WWP1: variants seen among roughly 807,000 people sequenced by gnomAD.
WWP1 encodes the protein NEDD4-like E3 ubiquitin-protein ligase WWP1.
A neutral mutation model predicts 130.6 loss-of-function variants in WWP1; 49 were observed. The observed-to-expected ratio is 0.38, with a 90% CI of 0.30 to 0.48. The LOEUF (loss-of-function observed/expected upper bound fraction) is 0.48. WWP1 is among the 20% of genes least tolerant of loss of function. WWP1 has a pLI of 0.99. For synonymous variants in WWP1, 332 were observed against 367.8 expected, an observed-to-expected ratio of 0.90 and a Z score of 1.11; for missense variants, 809 against 1,100.6, an observed-to-expected ratio of 0.74 and a Z score of 3.75.
At chr8:86,386,520 G>A (rs1825301191) in intron 5 of WWP1, among the ~76,000 whole-genome samples, 1 of 152,006 alleles carries the variant, frequency 6.6e-6, no homozygotes, top group African/African-American at 2.4e-5. Flanking sequence ...CAATGATGCA[G>A]GCCCTGTGGT....
At position 86,435,731 on chromosome 8, in the gene WWP1, C is replaced by T. The variant is rs780664094; in HGVS notation, c.1749+27C>T. 9 of 1,602,772 alleles carry T rather than the reference C, an allele frequency of 5.6e-6. No individual in the cohort carries two copies. In the African/African-American group the frequency reaches 1.1e-4, roughly 19 times the overall value. On this transcript the variant is annotated intron_variant, in intron 16 of 24. Transcript: ENST00000517970. Reference sequence around the variant, plus strand: ...TAAGGAGGATTTTAGCAGAATAAAACACCATTTGTCTCATTGTATTCTGTG... The same window carrying T: ...TAAGGAGGATTTTAGCAGAATAAAATACCATTTGTCTCATTGTATTCTGTG...
chr8:86,427,454 T>C (rs1458367008), intron 10 of WWP1, among the ~76,000 whole-genome samples, 189 bp from the exon 11 acceptor site: 1 of 152,086 alleles, frequency 6.6e-6, no homozygotes, highest in East Asian at 1.9e-4. Context: ...ATTACAGTGA[T>C]TAAAGGAAAA....
chr8:86,440,853 G>T, intron 17 of WWP1: 1 of 318,546 alleles, frequency 3.1e-6, no homozygotes, highest in East Asian at 8.3e-5. Flanking sequence ...GTCACTGTTT[G>T]CAGTACTGCC....
At position 86,448,429 on chromosome 8, in the gene WWP1, T is replaced by C. The variant is rs1366046029; in HGVS notation, c.2189T>C (p.Ile730Thr). ...ATGTACTTTTCTGTTGACATGGAGA[T>C]TTTGGGAAAAGTTACTTCACATGAC... ...LEMYFSVDME[I>T]LGKVTSHDLK... The change falls in exon 20 of 25, where the codon ATT becomes ACT. Residue 730 changes from isoleucine to threonine, a missense_variant. Physicochemically the swap from Ile to Thr is moderately conservative, Grantham distance 89. Coordinates refer to ENST00000517970, the MANE Select transcript of WWP1 (RefSeq NM_007013.4). 1.9e-6 allele frequency: 3 copies of C among 1,613,606 alleles called. No individual in the cohort carries two copies. In the African/African-American group the frequency reaches 4.0e-5, roughly 22 times the overall value.
chr8:86,406,701 A>G (rs1394608304), intron 8 of WWP1, among the ~76,000 whole-genome samples: 1 of 152,142 alleles, frequency 6.6e-6, no homozygotes, highest in Admixed American at 6.5e-5. Context: ...TGTCACACAT[A>G]TGGCTTCATG....
intron 7 of WWP1, 71 bp from the exon 8 acceptor site, chr8:86,401,948 C>A: frequency 3.0e-6 from 4 of 1,324,886 alleles, no homozygotes; most frequent in South Asian, 4.1e-5. Flanking sequence ...TTTAGTAAAT[C>A]CTATGAAAAT....
rs1822244389 is a variant in WWP1, at chr8:86,342,585, C to G, written c.-460C>G. ...AGTTGGAGGCTTTGGGCGGCCGCGG[C>G]GTAGCGCGCGGTGCCGGGGCCGGCG... On this transcript the variant is annotated 5_prime_UTR_variant, in exon 1 of 25. Coordinates refer to ENST00000517970, the MANE Select transcript of WWP1 (RefSeq NM_007013.4). 6.6e-6 allele frequency among the ~76,000 whole-genome samples: 1 copy of G among 150,656 alleles called. No homozygotes were observed. The highest frequency in any genetic ancestry group is 1.5e-5 in the Non-Finnish European group (1 of 67,574).
intron 5 of WWP1, among the ~76,000 whole-genome samples, chr8:86,388,884 C>G (rs544965057): frequency 6.6e-6 from 1 of 151,858 alleles, no homozygotes; most frequent in Non-Finnish European, 1.5e-5. Flanking sequence ...TTTTATATTC[C>G]CATTTGCTAA....
At chr8:86,369,221 T>C (rs1251395297) in intron 2 of WWP1, among the ~76,000 whole-genome samples, 190 bp downstream of exon 2, 1 of 152,208 alleles carries the variant, frequency 6.6e-6, no homozygotes, top group African/African-American at 2.4e-5. Flanking sequence ...CACACAGTGT[T>C]ACTGTAATGC....
chr8:86,353,742 C>T (rs1376001809), intron 1 of WWP1, among the ~76,000 whole-genome samples: 10 of 152,180 alleles, frequency 6.6e-5, no homozygotes, highest in Middle Eastern at 3.2e-3. Flanking sequence ...CTTGGCCTTC[C>T]AGAGTGCTGG....
At chr8:86,391,837 C>T (rs1471643552) in intron 5 of WWP1, among the ~76,000 whole-genome samples, 1 of 151,950 alleles carries the variant, frequency 6.6e-6, no homozygotes, top group African/African-American at 2.4e-5. Flanking sequence ...GACAGGGAAA[C>T]AAAAGCCCTA....
intron 8 of WWP1, among the ~76,000 whole-genome samples, chr8:86,407,601 T>G (rs1385200221): frequency 1.3e-5 from 2 of 152,216 alleles, no homozygotes; most frequent in African/African-American, 4.8e-5. Context: ...ACCATTGATA[T>G]ATATGAACAG....
intron 1 of WWP1, among the ~76,000 whole-genome samples, chr8:86,356,924 C>T (rs1282500395): frequency 1.3e-5 from 2 of 152,096 alleles, no homozygotes; most frequent in Non-Finnish European, 2.9e-5. Flanking sequence ...TTAAATTGTT[C>T]TCTGATGTTG....
rs753061595 is a variant in WWP1 at position 86,448,401 on chromosome 8, G to A, written c.2161G>A (p.Glu721Lys). 1.2e-6 allele frequency: 2 copies of A among 1,613,542 alleles called. No homozygotes were observed. The highest frequency in any genetic ancestry group is 1.7e-6 in the Non-Finnish European group (2 of 1,179,836). ...RDNNIEECGL[E>K]MYFSVDMEIL... ...TAACAACATTGAAGAATGTGGCTTA[G>A]AAATGTACTTTTCTGTTGACATGGA... is the stretch of plus-strand genomic sequence containing the variant. Residue 721 changes from glutamate to lysine, a missense_variant, in exon 20 of 25, where the codon GAA (glutamate) becomes AAA (lysine). Physicochemically the swap from Glu to Lys is moderately conservative, Grantham distance 56. This residue lies in a region of WWP1 where 450 missense variants were observed against 674.2 expected (regional missense o/e 0.67). Transcript: ENST00000517970.
intron 18 of WWP1, among the ~76,000 whole-genome samples, chr8:86,444,515 T>A (rs1428251032): frequency 6.6e-6 from 1 of 152,158 alleles, no homozygotes; most frequent in Admixed American, 6.6e-5. Flanking sequence ...ACAATTATAG[T>A]CAGGGAGATA....
intron 18 of WWP1, among the ~76,000 whole-genome samples, chr8:86,447,594 A>G (rs565339512): frequency 3.3e-5 from 5 of 152,248 alleles, no homozygotes; most frequent in Admixed American, 6.5e-5. Context: ...ATGATTGACT[A>G]TGGAATCTAA....
chr8:86,344,411 G>T (rs192171135), intron 1 of WWP1, among the ~76,000 whole-genome samples: 121 of 152,294 alleles, frequency 7.9e-4, no homozygotes, highest in African/African-American at 2.8e-3. Context: ...TTACCCCACG[G>T]TGGCTGAAAT....
intron 9 of WWP1, among the ~76,000 whole-genome samples, chr8:86,421,716 T>TG (rs1401846948): frequency 1.3e-5 from 2 of 151,762 alleles, no homozygotes; most frequent in Non-Finnish European, 2.9e-5. Context: ...CCCAGCTACT[T>TG]GGGAGGCTGA....
chr8:86,433,562 T>C (rs1228803406), intron 14 of WWP1, among the ~76,000 whole-genome samples: 1 of 149,262 alleles, frequency 6.7e-6, no homozygotes, highest in Non-Finnish European at 1.5e-5. Context: ...AAAAAAAAAA[T>C]TATAACAACA....
Sources: gnomAD v4.1 joint callset for allele counts (sites outside exome capture counted in the v4.1 genomes callset) on GRCh38, gnomAD v4.1.1 for gene constraint, gnomAD v4.1.1 regional missense constraint, MANE v1.5 for transcripts, NCBI Gene and HGNC (gene_info 2026-07-23, HGNC 2026-07-21) for gene names.